The following DOT1L variants were observed in gnomAD, a reference collection of about 807,000 sequenced individuals.
The protein encoded by DOT1L is DOT1 like histone lysine methyltransferase, also known as histone-lysine N-methyltransferase, H3 lysine-79 specific.
A neutral mutation model predicts 153.3 loss-of-function variants in DOT1L; 33 were observed. The ratio of observed to expected loss-of-function variants is 0.22; its 90% CI spans 0.16 to 0.29. The LOEUF (loss-of-function observed/expected upper bound fraction) is 0.29. Ranked by LOEUF, DOT1L falls within the 10% of genes least tolerant of loss-of-function variation. The pLI is 1.00. For synonymous variants in DOT1L, 1,135 were observed against 965.1 expected (o/e 1.18, Z -3.26); for missense variants, 1,847 against 2,119.9 (o/e 0.87, Z 2.53).
intron 7 of DOT1L, among the ~76,000 whole-genome samples, chr19:2,199,272 A>G (rs1384951614): frequency 6.6e-6 from 1 of 152,314 alleles, no homozygotes; most frequent in South Asian, 2.1e-4. Flanking sequence ...TGCTGTTAGC[A>G]GGCCGTCAGC....
At position 2,223,211 on chromosome 19, in the gene DOT1L, C is replaced by T. The variant is rs112857855; in HGVS notation, c.3391-70C>T. ...GGGTGCAGACAGGAGCCTCCTGGGG[C>T]GGGGGGGCTCTCCTGCCTTGGGGTC... is the stretch of plus-strand genomic sequence containing the variant. On this transcript the variant is annotated intron_variant, in intron 24 of 27. Transcript: ENST00000398665. 1.1e-3 allele frequency: 1,738 copies of T among 1,545,618 alleles called. 9 individuals carry two copies. The African/African-American group carries it at 0.02, about 18-fold the overall frequency.
At position 2,206,327 on chromosome 19, in the gene DOT1L, C is replaced by T. The variant is rs140909913; in HGVS notation, c.788-402C>T. 7.5e-4 allele frequency among the ~76,000 whole-genome samples: 114 copies of T among 151,918 alleles called. 1 individual carries two copies. The highest frequency in any genetic ancestry group is 2.6e-3 in the African/African-American group (106 of 41,440). On this transcript the variant is annotated intron_variant, in intron 9 of 27. Coordinates refer to ENST00000398665, the MANE Select transcript of DOT1L (RefSeq NM_032482.3). ...GAAGCATTATTTGTAGGAGGTTGGG[C>T]GTGGTGGCTCACTTGAGGCCAGGAG... is the stretch of plus-strand genomic sequence containing the variant.
chr19:2,175,627 A>G (rs2021891084), intron 1 of DOT1L, among the ~76,000 whole-genome samples: 1 of 152,140 alleles, frequency 6.6e-6, no homozygotes, highest in Non-Finnish European at 1.5e-5. Context: ...TCAGGAGTTC[A>G]AGACCAGCCT....
chr19:2,194,191 G>A (rs2022917325), intron 6 of DOT1L, among the ~76,000 whole-genome samples: 1 of 151,932 alleles, frequency 6.6e-6, no homozygotes, highest in Non-Finnish European at 1.5e-5. Context: ...TTGTTTTTGA[G>A]ACAGAGTCTC....
In DOT1L at chr19:2,168,145, C is replaced by T. The variant is rs528206194; in HGVS notation, c.81+3880C>T. On this transcript the variant is annotated intron_variant, in intron 1 of 27. Coordinates refer to ENST00000398665, the MANE Select transcript of DOT1L (RefSeq NM_032482.3). ...GCCAATATTCTCCCCCCGCCACCGCCCCAGCATTCTTAGTCTCAAGAAACC... is the reference window on the plus strand; with the variant it reads ...GCCAATATTCTCCCCCCGCCACCGCTCCAGCATTCTTAGTCTCAAGAAACC... 9.9e-5 allele frequency among the ~76,000 whole-genome samples: 15 copies of T among 152,174 alleles called. No individual in the cohort carries two copies. In the East Asian group the frequency reaches 1.4e-3, roughly 14 times the overall value.
In DOT1L at chr19:2,211,134, C is replaced by T. The variant is rs757389212; in HGVS notation, c.1387C>T (p.Leu463=). ...YRSPHSPFYQ[L]PPSVQRHSPN... ...ATCCCCTCACAGCCCGTTCTACCAG[C>T]TACCTCCGAGCGTGCAGCGGCACTC... Residue 463 remains leucine, a synonymous_variant, in exon 15 of 28, where the codon CTA becomes TTA. Coordinates refer to ENST00000398665, the MANE Select transcript of DOT1L (RefSeq NM_032482.3). 10 of 1,613,164 alleles carry T rather than the reference C, an allele frequency of 6.2e-6. No homozygotes were observed. Among genetic ancestry groups the T allele is most frequent in the Middle Eastern group, 3.3e-4 (2 of 6,062 alleles).
Position 2,193,506 on chromosome 19 carries a change from CAG to C in DOT1L, c.494-182_494-181del, listed in dbSNP as rs1277076278. On this transcript the variant is annotated intron_variant, in intron 5 of 27. Coordinates refer to ENST00000398665, the MANE Select transcript of DOT1L (RefSeq NM_032482.3). This position sits in a 1 kb window ranked among gnomAD's most constrained non-coding sequence, Gnocchi z 5.9. ...GACCGTCCCCTCGTGGGGGCTCTGT[CAG>C]GGGCCTGGTCTCTGGGAAGGATCCT... is the stretch of plus-strand genomic sequence containing the variant. 1.3e-5 allele frequency among the ~76,000 whole-genome samples: 2 copies of C among 152,178 alleles called. No homozygotes were observed. The highest frequency in any genetic ancestry group is 2.4e-5 in the African/African-American group (1 of 41,446).
rs2023082059 is a variant in DOT1L, at chr19:2,197,701, G to A, written c.652-2183G>A. Among the ~76,000 whole-genome samples the A allele has an allele frequency of 6.6e-6, 1 of 152,178 alleles. No homozygotes were observed. The highest frequency in any genetic ancestry group is 2.4e-5 in the African/African-American group (1 of 41,444). ...GCCAGTGGCTCCTGAGATGTGTCTGGGAGCATGATTTGGGGGAAAGCGTGG... is the reference window on the plus strand; with the variant it reads ...GCCAGTGGCTCCTGAGATGTGTCTGAGAGCATGATTTGGGGGAAAGCGTGG... On this transcript the variant is annotated intron_variant, in intron 7 of 27. Transcript: ENST00000398665. This position sits in a 1 kb window ranked among gnomAD's most constrained non-coding sequence, Gnocchi z 4.1.
chr19:2,223,524 G>A (rs1599618500), intron 25 of DOT1L, 38 bp downstream of exon 25: 1 of 1,427,198 alleles, frequency 7.0e-7, no homozygotes, highest in Non-Finnish European at 9.3e-7. Context: ...GGGCCTGGCA[G>A]CAGGGGCAGG....
At position 2,227,016 on chromosome 19, in the gene DOT1L, A is replaced by G; in HGVS notation, c.4495A>G (p.Ser1499Gly). 1 of 1,589,060 alleles carries G rather than the reference A, an allele frequency of 6.3e-7. No homozygotes were observed. Among genetic ancestry groups the G allele is most frequent in the Non-Finnish European group, 8.5e-7 (1 of 1,174,646 alleles). Residue 1499 changes from serine to glycine, a missense_variant, in exon 27 of 28, where the codon AGC becomes GGC. By Grantham distance (56) the Ser-to-Gly change is moderately conservative. Around this residue, in one of 8 missense-constraint regions of DOT1L, gnomAD observed 934 missense variants for 825.3 expected, o/e 1.13. Coordinates refer to ENST00000398665, the MANE Select transcript of DOT1L (RefSeq NM_032482.3). ...CTCCTCCGTGCTGCAGTCGCTGTTC[A>G]GCTCTGTGCCGGCCGCCGCAGGCCT... Reference protein sequence around the residue: ...AGSSVLQSLFSSVPAAAGLVH... With the variant: ...AGSSVLQSLFGSVPAAAGLVH...
intron 27 of DOT1L, chr19:2,228,282 G>T: frequency 7.4e-7 from 1 of 1,356,312 alleles, no homozygotes; most frequent in Non-Finnish European, 9.8e-7. Context: ...GCCGTCCGCG[G>T]TGTGGGTGTC....
chr19:2,222,612 A>G lies in DOT1L; in HGVS notation c.3390+53A>G, dbSNP rs571341867. The G allele has an allele frequency of 4.7e-6, 7 of 1,475,438 alleles. No homozygotes were observed. Among genetic ancestry groups the G allele is most frequent in the Non-Finnish European group, 6.3e-6 (7 of 1,115,680 alleles). The allele number at this position is 1,475,438 out of a possible 1,614,324, so 91.4% of individuals were successfully genotyped here. A position where few individuals can be genotyped will look rare whatever the true frequency, so the allele number is the denominator to read the frequency against. On this transcript the variant is annotated intron_variant, in intron 24 of 27. Transcript: ENST00000398665. This position sits in a 1 kb window ranked among gnomAD's most constrained non-coding sequence, Gnocchi z 6.5. ...GAGCGCGGCCTGTGAAAGAAAGACCAGAGGGAGACCGGGCGCGGTGGCTCA... is the reference window on the plus strand; with the variant it reads ...GAGCGCGGCCTGTGAAAGAAAGACCGGAGGGAGACCGGGCGCGGTGGCTCA...
At position 2,197,443 on chromosome 19, in the gene DOT1L, T is replaced by C. The variant is rs2023070358; in HGVS notation, c.652-2441T>C. On this transcript the variant is annotated intron_variant, in intron 7 of 27. Coordinates refer to ENST00000398665, the MANE Select transcript of DOT1L (RefSeq NM_032482.3). This position sits in a 1 kb window ranked among gnomAD's most constrained non-coding sequence, Gnocchi z 4.1. Reference sequence around the variant, plus strand: ...CGCCATGGTGCCTTCCTCCGCGCGGTCTGGCTGGGCTGAGCCTTGCTCAGG... The same window carrying C: ...CGCCATGGTGCCTTCCTCCGCGCGGCCTGGCTGGGCTGAGCCTTGCTCAGG... Among the ~76,000 whole-genome samples, 1 of 152,186 alleles carries C rather than the reference T, an allele frequency of 6.6e-6. No homozygotes were observed. The highest frequency in any genetic ancestry group is 1.5e-5 in the Non-Finnish European group (1 of 68,024).
chr19:2,228,208 A>G, intron 27 of DOT1L: 1 of 1,364,400 alleles, frequency 7.3e-7, no homozygotes, highest in Middle Eastern at 2.1e-4. Flanking sequence ...GTGCACCACC[A>G]GCCCCTGCCC....
At position 2,232,236 on chromosome 19, in the gene DOT1L, C is replaced by CT. The variant is rs2024633127; in HGVS notation, c.*2445dup. On this transcript the variant is annotated 3_prime_UTR_variant, in exon 28 of 28. Coordinates refer to ENST00000398665, the MANE Select transcript of DOT1L (RefSeq NM_032482.3). ...GGAACCCTAAAAACTAGGATACCCC[C>CT]TCCTCGGCCCATGAGGCACGCACAG... The CT allele has an allele frequency of 4.6e-6, 1 of 219,622 alleles. No homozygotes were observed. The highest frequency in any genetic ancestry group is 1.8e-4 in the South Asian group (1 of 5,436). The allele number at this position is 219,622 out of a possible 1,614,324, so 13.6% of individuals were successfully genotyped here. A position where few individuals can be genotyped will look rare whatever the true frequency, so the allele number is the denominator to read the frequency against.
intron 2 of DOT1L, among the ~76,000 whole-genome samples, chr19:2,182,069 A>C (rs562024723): frequency 8.7e-4 from 133 of 152,208 alleles, no homozygotes; most frequent in Admixed American, 4.3e-3. Context: ...CTAAAAAAAA[A>C]CACAAAAATT....
intron 24 of DOT1L, 50 bp from the exon 25 acceptor site, chr19:2,223,231 G>A (rs898570029): frequency 3.1e-6 from 5 of 1,596,228 alleles, no homozygotes; most frequent in Non-Finnish European, 8.6e-7. Flanking sequence ...CTCCTGCCTT[G>A]GGGTCCCGGG....
chr19:2,220,599 G>A lies in DOT1L; in HGVS notation c.2806+377G>A, dbSNP rs753422058. The A allele has an allele frequency of 3.3e-5, 15 of 450,036 alleles. No individual in the cohort carries two copies. Among genetic ancestry groups the A allele is most frequent in the African/African-American group, 1.6e-4 (8 of 49,798 alleles). 27.9% of individuals were successfully genotyped at this position (450,036 alleles called of 1,614,324 possible). Reference sequence around the variant, plus strand: ...CAATGGCACACGACCGTGGGCCTCCGTGCTGGTAGCGGCATGGTTTCTGGT... The same window carrying A: ...CAATGGCACACGACCGTGGGCCTCCATGCTGGTAGCGGCATGGTTTCTGGT... On this transcript the variant is annotated intron_variant, in intron 23 of 27. Coordinates refer to ENST00000398665, the MANE Select transcript of DOT1L (RefSeq NM_032482.3). This position sits in a 1 kb window ranked among gnomAD's most constrained non-coding sequence, Gnocchi z 4.5.
intron 9 of DOT1L, 151 bp downstream of exon 9, chr19:2,202,930 TC>T: frequency 1.4e-6 from 1 of 697,216 alleles, no homozygotes; most frequent in East Asian, 2.7e-5. Context: ...TGCTTTTTTT[TC>T]TTTTTTTATT....
Sources: allele counts gnomAD v4.1 joint callset (sites outside exome capture counted in the v4.1 genomes callset), GRCh38; gene constraint gnomAD v4.1.1; regional missense constraint gnomAD v4.1.1; non-coding constraint Gnocchi (gnomAD v3.1); transcripts MANE v1.5; gene names NCBI Gene and HGNC (gene_info 2026-07-23, HGNC 2026-07-21).